DNA2: variants seen among roughly 807,000 people sequenced by gnomAD.
DNA2 encodes the protein DNA replication helicase/nuclease 2.
Under a neutral mutation model 119.1 loss-of-function variants are expected in DNA2, and 101 were observed. That is an observed-to-expected ratio of 0.85 (90% CI 0.72 to 1.00). The LOEUF is 1.00. Among genes scored for constraint, DNA2 ranks in the 50% least tolerant of loss-of-function variants. The pLI, the probability that DNA2 is intolerant of heterozygous loss-of-function variation, is 0.00. For synonymous variants in DNA2, 366 were observed against 424.4 expected, an observed-to-expected ratio of 0.86 and a Z score of 1.69; for missense variants, 1,121 against 1,255.5, an observed-to-expected ratio of 0.89 and a Z score of 1.62.
intron 20 of DNA2, among the ~76,000 whole-genome samples, chr10:68,415,570 C>T (rs2051578145): frequency 6.6e-6 from 1 of 152,088 alleles, no homozygotes; most frequent in South Asian, 2.1e-4. Flanking sequence ...GCCACCACGC[C>T]CAGCCTCAGA....
rs1360619837 is a variant in DNA2, at chr10:68,445,040, G to T, written c.1101C>A (p.His367Gln). Residue 367 changes from histidine (H) to glutamine (Q), a missense_variant, in exon 8 of 21, where the codon CAC becomes CAA. Physicochemically the swap from His to Gln is conservative, Grantham distance 24. Coordinates refer to ENST00000358410, the MANE Select transcript of DNA2 (RefSeq NM_001080449.3). Reference protein sequence around the residue: ...LRNQMAFSLFHRISKSATRQK... With the variant: ...LRNQMAFSLFQRISKSATRQK... ...GTCTAGTAGCAGATTTGCTAATACG[G>T]TGAAACAATGAGAATGCCATCTGGT... 10 of 1,610,476 alleles carry T rather than the reference G, an allele frequency of 6.2e-6. No homozygotes were observed. Among genetic ancestry groups the T allele is most frequent in the Non-Finnish European group, 3.4e-6 (4 of 1,178,210 alleles).
In DNA2 at chr10:68,463,506, T is replaced by C. The variant is rs1019060613; in HGVS notation, c.587+2161A>G. On this transcript the variant is annotated intron_variant, in intron 4 of 20. Transcript: ENST00000358410. ...ATAACCATAAATACAGTGCTAACTA[T>C]AGGTCAGCACTATTCCAGGCGTGGT... 5.9e-5 allele frequency among the ~76,000 whole-genome samples: 8 copies of C among 135,264 alleles called. No homozygotes were observed. In the Admixed American group the frequency reaches 6.2e-4, roughly 11 times the overall value. The allele number at this position is 135,264 out of a possible 152,430, so 88.7% of individuals were successfully genotyped here. A position where few individuals can be genotyped will look rare whatever the true frequency, so the allele number is the denominator to read the frequency against.
In DNA2 at chr10:68,416,808, G is replaced by A. The variant is rs1440719288; in HGVS notation, c.3015C>T (p.Thr1005=). Residue 1005 remains threonine, a synonymous_variant, in exon 20 of 21, where the codon ACC becomes ACT. Coordinates refer to ENST00000358410, the MANE Select transcript of DNA2 (RefSeq NM_001080449.3). ...KDWRRLNVAI[T]RAKHKLILLG... ...GAAGAATCAGTTTATGTTTGGCTCT[G>A]GTTATAGCAACATTAAGACGTCGCC... 1.2e-6 allele frequency: 2 copies of A among 1,613,360 alleles called. No individual in the cohort carries two copies. Among genetic ancestry groups the A allele is most frequent in the African/African-American group, 1.3e-5 (1 of 74,916 alleles).
At chr10:68,438,506 T>A (rs1485839086) in intron 9 of DNA2, among the ~76,000 whole-genome samples, 1 of 131,950 alleles carries the variant, frequency 7.6e-6, no homozygotes, top group African/African-American at 3.1e-5. Context: ...GCAACAAGAG[T>A]GAAACTCCGT....
intron 10 of DNA2, among the ~76,000 whole-genome samples, chr10:68,434,569 T>G (rs969781992): frequency 1.3e-5 from 2 of 151,972 alleles, no homozygotes; most frequent in African/African-American, 4.8e-5. Context: ...GAAGGACTGC[T>G]TGATCCCAGG....
intron 3 of DNA2, among the ~76,000 whole-genome samples, chr10:68,467,107 C>G (rs2052335665): frequency 6.6e-6 from 1 of 151,848 alleles, no homozygotes; most frequent in Non-Finnish European, 1.5e-5. Flanking sequence ...TTTGAAATAG[C>G]CCAAAATACA....
chr10:68,444,725 C>CAAAAA (rs11356540), intron 8 of DNA2, among the ~76,000 whole-genome samples, 196 bp downstream of exon 8: 1 of 117,902 alleles, frequency 8.5e-6, no homozygotes, highest in Admixed American at 9.2e-5. Flanking sequence ...AAGTCCGTCT[C>CAAAAA]AAAAAAAAAA....
At chr10:68,460,600 GT>G (rs2052244636) in intron 4 of DNA2, among the ~76,000 whole-genome samples, 1 of 151,806 alleles carries the variant, frequency 6.6e-6, no homozygotes, top group Non-Finnish European at 1.5e-5. Flanking sequence ...TAAAGACGGG[GT>G]TTCACCATGT....
chr10:68,441,278 G>A (rs183674428), intron 9 of DNA2, among the ~76,000 whole-genome samples: 3 of 148,930 alleles, frequency 2.0e-5, no homozygotes, highest in East Asian at 4.0e-4. Context: ...AGGCTACAGT[G>A]AGCCATGATT....
intron 14 of DNA2, chr10:68,424,436 C>T (rs36124283): frequency 0.05 from 25,404 of 511,026 alleles, 1,032 homozygotes; most frequent in African/African-American, 0.15. Flanking sequence ...CCAAGGAGGT[C>T]GAGGCTGCAG....
At chr10:68,435,329 G>A (rs917110453) in intron 10 of DNA2, among the ~76,000 whole-genome samples, 4 of 151,594 alleles carry the variant, frequency 2.6e-5, no homozygotes, top group African/African-American at 4.9e-5. Context: ...GATTACAGGC[G>A]TGCACCACCT....
At chr10:68,457,071 T>C (rs1455526121) in intron 5 of DNA2, among the ~76,000 whole-genome samples, 4 of 151,006 alleles carry the variant, frequency 2.6e-5, no homozygotes, top group Non-Finnish European at 2.9e-5. Flanking sequence ...GAGGCGGAGG[T>C]TGCAGTGAGC....
At chr10:68,472,008 C>T (rs374551801), upstream of DNA2, 2 of 1,609,918 alleles carry the variant, frequency 1.2e-6, no homozygotes, top group Middle Eastern at 1.6e-4. Flanking sequence ...TGACCTGCGC[C>T]AGGCCGCCCC....
intron 4 of DNA2, among the ~76,000 whole-genome samples, chr10:68,462,006 A>G (rs1008414927): frequency 2.6e-5 from 4 of 152,168 alleles, no homozygotes; most frequent in African/African-American, 9.7e-5. Flanking sequence ...AATGACATTC[A>G]TTACATTTTT....
In DNA2 at chr10:68,430,551, C is replaced by T. The variant is rs367905585; in HGVS notation, c.2093G>A (p.Arg698His). 28 of 1,609,896 alleles carry T rather than the reference C, an allele frequency of 1.7e-5. No individual in the cohort carries two copies. Among genetic ancestry groups the T allele is most frequent in the East Asian group, 4.5e-5 (2 of 44,834 alleles). ...KLAKFKIGFL[R>H]LGQIQKVHPA... ...ATGAACCTTCTGAATCTGACCCAAA[C>T]GCAAAAATCCTATTTTAAACTTGGC... Residue 698 changes from arginine (R) to histidine (H), a missense_variant, in exon 14 of 21, where the codon CGT becomes CAT. Coordinates refer to ENST00000358410, the MANE Select transcript of DNA2 (RefSeq NM_001080449.3).
At position 68,437,055 on chromosome 10, in the gene DNA2, A is replaced by T; in HGVS notation, c.1602T>A (p.Tyr534Ter). The T allele has an allele frequency of 3.1e-6, 5 of 1,613,622 alleles. No individual in the cohort carries two copies. The highest frequency in any genetic ancestry group is 4.2e-6 in the Non-Finnish European group (5 of 1,179,796). The change falls in exon 10 of 21, where the codon TAT (tyrosine) becomes TAA (stop). Residue 534 changes from tyrosine to a stop codon, truncating the protein, a stop_gained. Transcript: ENST00000358410. LOFTEE classifies it high-confidence loss of function. ...CTGTTGTCATGTTAATCTCCTTCAC[A>T]TATCCTCTAGACAAAGCAAACAGTG... ...ERSLFALSRGYVKEINMTTVT... is the reference protein window; with the variant it reads ...ERSLFALSRG
At position 68,422,071 on chromosome 10, in the gene DNA2, G is replaced by A. The variant is rs187181536; in HGVS notation, c.2697+154C>T. On this transcript the variant is annotated intron_variant, in intron 17 of 20. Coordinates refer to ENST00000358410, the MANE Select transcript of DNA2 (RefSeq NM_001080449.3). ...CTTGTGATCTGCCCGCCTTGGCCTC[G>A]CAAAGTGCTGGGATTACAGGTGTGA... Among the ~76,000 whole-genome samples the A allele has an allele frequency of 2.9e-3, 436 of 152,112 alleles. 3 individuals are homozygous for A. Among genetic ancestry groups the A allele is most frequent in the African/African-American group, 9.7e-3 (401 of 41,526 alleles).
At chr10:68,439,206 C>CCAA (rs1331420130) in intron 9 of DNA2, among the ~76,000 whole-genome samples, 1 of 151,186 alleles carries the variant, frequency 6.6e-6, no homozygotes, top group Non-Finnish European at 1.5e-5. Flanking sequence ...ACCAGCCTGA[C>CCAA]CAACATGAAG....
intron 10 of DNA2, among the ~76,000 whole-genome samples, chr10:68,435,648 G>A (rs1206001400): frequency 6.7e-6 from 1 of 150,130 alleles, no homozygotes; most frequent in Non-Finnish European, 1.5e-5. Context: ...TAGTAGAGAC[G>A]GGGTTTCATC....
Sources: gnomAD v4.1 joint callset for allele counts (sites outside exome capture counted in the v4.1 genomes callset) on GRCh38, gnomAD v4.1.1 for gene constraint, MANE v1.5 for transcripts, NCBI Gene and HGNC (gene_info 2026-07-23, HGNC 2026-07-21) for gene names.